Variants in PLAAT1 observed in about 807,000 individuals in gnomAD.
PLAAT1 encodes the protein H-REV107 protein-related protein.
A neutral mutation model predicts 16.4 loss-of-function variants in PLAAT1; 13 were observed. That is an observed-to-expected ratio of 0.79 (90% CI 0.52 to 1.26). The LOEUF is 1.26. PLAAT1 is among the 50% of genes most tolerant of loss of function. PLAAT1 has a pLI of 0.00. For missense variants in PLAAT1, 218 were observed against 207.8 expected (o/e 1.05, Z -0.30); for synonymous variants, 73 against 78.4 (o/e 0.93, Z 0.36).
chr3:193,246,707 G>A (rs977549582), intron 1 of PLAAT1, among the ~76,000 whole-genome samples: 3 of 152,170 alleles, frequency 2.0e-5, no homozygotes, highest in African/African-American at 7.2e-5. Flanking sequence ...GCATCCCTGG[G>A]ATAAGTCCCA....
downstream of PLAAT1, among the ~76,000 whole-genome samples, chr3:193,278,879 T>C (rs1271713127): frequency 2.6e-5 from 4 of 152,188 alleles, no homozygotes; most frequent in Non-Finnish European, 5.9e-5. Context: ...ATTAGTTCAA[T>C]AGCCTTGATG....
intron 1 of PLAAT1, among the ~76,000 whole-genome samples, chr3:193,246,027 T>C (rs1003354758): frequency 2.0e-5 from 3 of 152,228 alleles, no homozygotes; most frequent in African/African-American, 7.2e-5. Context: ...ACTTCTTCCA[T>C]TCCTATATGA....
At chr3:193,253,923 C>T (rs969056462) in intron 1 of PLAAT1, among the ~76,000 whole-genome samples, 9 of 152,042 alleles carry the variant, frequency 5.9e-5, no homozygotes, top group Admixed American at 2.0e-4. Flanking sequence ...AAGTGCTCCC[C>T]GTTCAAATGG....
chr3:193,241,370 C>T lies in PLAAT1; in HGVS notation c.-164C>T. On this transcript the variant is annotated 5_prime_UTR_variant, in exon 1 of 4. Coordinates refer to ENST00000264735, the MANE Select transcript of PLAAT1 (RefSeq NM_020386.5). ...TGCTGGCGTTGGCCCTGGAGGACGG[C>T]CCCGAGTGATGGCTGGCGCCTGCCT... is the stretch of plus-strand genomic sequence containing the variant. 8.1e-7 allele frequency: 1 copy of T among 1,231,630 alleles called. No homozygotes were observed. 76.3% of individuals were successfully genotyped at this position (1,231,630 alleles called of 1,614,324 possible). A position where few individuals can be genotyped will look rare whatever the true frequency, so the allele number is the denominator to read the frequency against.
chr3:193,250,819 C>CCCCTG (rs1411120185), intron 1 of PLAAT1, among the ~76,000 whole-genome samples: 3 of 152,010 alleles, frequency 2.0e-5, no homozygotes, highest in Admixed American at 1.3e-4. Flanking sequence ...CATGAAGAAG[C>CCCCTG]CCCTGCCCTG....
intron 1 of PLAAT1, among the ~76,000 whole-genome samples, chr3:193,242,398 GGA>G (rs1025564382): frequency 6.6e-6 from 1 of 152,090 alleles, no homozygotes; most frequent in African/African-American, 2.4e-5. Flanking sequence ...GGGGAGTGGA[GGA>G]GAGAGGGGGA....
downstream of PLAAT1, among the ~76,000 whole-genome samples, chr3:193,279,749 G>A (rs557535442): frequency 2.0e-5 from 3 of 152,128 alleles, no homozygotes; most frequent in South Asian, 4.2e-4. Context: ...TTGTGCTTGC[G>A]TGGGATAAAC....
intron 1 of PLAAT1, among the ~76,000 whole-genome samples, chr3:193,243,169 A>G (rs1045111936): frequency 6.6e-6 from 1 of 152,240 alleles, no homozygotes; most frequent in African/African-American, 2.4e-5. Flanking sequence ...AACTGTTCAT[A>G]CAGTTCTTTG....
intron 1 of PLAAT1, among the ~76,000 whole-genome samples, chr3:193,242,074 C>G (rs1342155327): frequency 6.6e-6 from 1 of 150,748 alleles, no homozygotes; most frequent in Non-Finnish European, 1.5e-5. Context: ...CCGCCCAACA[C>G]AAATTTGTAA....
intron 2 of PLAAT1, chr3:193,276,840 AACAAATACCATT>A: frequency 6.2e-7 from 1 of 1,600,180 alleles, no homozygotes; most frequent in Non-Finnish European, 8.6e-7. Flanking sequence ...ACTGTTGAAA[AACAAATACCATT>A]ATTATATTTT....
chr3:193,276,727 A>G, intron 2 of PLAAT1: 1 of 1,528,268 alleles, frequency 6.5e-7, no homozygotes. Context: ...ATCTTCCTAG[A>G]AAAAATATAG....
intron 1 of PLAAT1, among the ~76,000 whole-genome samples, chr3:193,245,330 G>T (rs988906239): frequency 2.0e-5 from 3 of 152,158 alleles, no homozygotes; most frequent in South Asian, 2.1e-4. Flanking sequence ...ACTTAGCACA[G>T]TGTTCCTCAG....
At chr3:193,270,882 C>G, downstream of PLAAT1, 1 of 1,291,104 alleles carries the variant, frequency 7.7e-7, no homozygotes, top group Non-Finnish European at 9.9e-7. Flanking sequence ...ATTTTTTTCC[C>G]CTGCTAGCAT....
Position 193,263,337 on chromosome 3 carries a change from C to T in PLAAT1, c.405+102C>T, listed in dbSNP as rs150831177. 1,280 of 1,119,608 alleles carry T rather than the reference C, an allele frequency of 1.1e-3. 11 individuals are homozygous for T. In the African/African-American group the frequency reaches 0.017, roughly 15 times the overall value. 69.4% of individuals were successfully genotyped at this position (1,119,608 alleles called of 1,614,324 possible). ...ACCAAATGAAAAGAACCAGAAAATA[C>T]GAGAATACTGAAGGATAGAGAATGG... is the stretch of plus-strand genomic sequence containing the variant. On this transcript the variant is annotated intron_variant, in intron 3 of 3. Coordinates refer to ENST00000264735, the MANE Select transcript of PLAAT1 (RefSeq NM_020386.5).
At chr3:193,264,192 A>G (rs1208857301) in intron 3 of PLAAT1, among the ~76,000 whole-genome samples, 1 of 152,208 alleles carries the variant, frequency 6.6e-6, no homozygotes, top group East Asian at 1.9e-4. Flanking sequence ...TCAGTTATAC[A>G]TTTCTATCCT....
At chr3:193,277,443 G>A (rs1207770739) in intron 2 of PLAAT1, among the ~76,000 whole-genome samples, 1 of 152,094 alleles carries the variant, frequency 6.6e-6, no homozygotes, top group East Asian at 1.9e-4. Flanking sequence ...CATAGCAAAA[G>A]GCTAGTTACA....
chr3:193,249,720 T>G (rs1204692788), intron 1 of PLAAT1, among the ~76,000 whole-genome samples: 3 of 152,054 alleles, frequency 2.0e-5, no homozygotes, highest in Non-Finnish European at 4.4e-5. Flanking sequence ...CAAATTATGA[T>G]TTACCAATGA....
intron 3 of PLAAT1, among the ~76,000 whole-genome samples, chr3:193,267,259 G>A (rs532454358): frequency 1.4e-4 from 21 of 152,006 alleles, no homozygotes; most frequent in African/African-American, 2.7e-4. Context: ...GTTATGTTAC[G>A]AATTCTATGG....
At chr3:193,279,339 C>T (rs1314079927), downstream of PLAAT1, 2 of 1,533,134 alleles carry the variant, frequency 1.3e-6, no homozygotes, top group Non-Finnish European at 1.8e-6. Flanking sequence ...ATGAGTCATG[C>T]CAGATGTGCA....
Sources: allele counts gnomAD v4.1 joint callset (sites outside exome capture counted in the v4.1 genomes callset), GRCh38; gene constraint gnomAD v4.1.1; transcripts MANE v1.5; gene names NCBI Gene and HGNC (gene_info 2026-07-23, HGNC 2026-07-21).